The following KLF17 variants were observed in gnomAD, a reference collection of about 807,000 sequenced individuals.
KLF17 encodes the protein Krueppel-like factor 17.
A neutral mutation model predicts 34.2 loss-of-function variants in KLF17; 31 were observed. The observed-to-expected ratio is 0.91, with a 90% CI of 0.68 to 1.22. The LOEUF (loss-of-function observed/expected upper bound fraction) is 1.22. KLF17 is among the 50% of genes most tolerant of loss of function. The pLI is 0.00. For missense variants in KLF17, 478 were observed against 505.2 expected, an observed-to-expected ratio of 0.95 and a Z score of 0.52; for synonymous variants, 179 against 186.7, an observed-to-expected ratio of 0.96 and a Z score of 0.34.
chr1:44,119,148 G>A, intron 1 of KLF17, among the ~76,000 whole-genome samples, 160 bp downstream of exon 1: 1 of 151,626 alleles, frequency 6.6e-6, no homozygotes, highest in African/African-American at 2.4e-5. Context: ...AGATTGGGGA[G>A]GGGTTGCAAA....
At chr1:44,088,412 GC>G in the KLF17 span, 1 of 152,334 alleles carries the variant, frequency 6.6e-6, no homozygotes, top group East Asian at 1.9e-4. Context: ...ACAGCACCCA[GC>G]CTGCTTAGGC....
the KLF17 span, among the ~76,000 whole-genome samples, chr1:44,064,056 C>A: frequency 6.6e-6 from 1 of 152,124 alleles, no homozygotes; most frequent in Non-Finnish European, 1.5e-5. Context: ...ATGGAGAATA[C>A]CTAGCACAAC....
At chr1:44,050,164 T>G in the KLF17 span, among the ~76,000 whole-genome samples, 1 of 152,200 alleles carries the variant, frequency 6.6e-6, no homozygotes, top group African/African-American at 2.4e-5. Flanking sequence ...AATGTGTGAG[T>G]TCAGCAATGA....
chr1:44,112,912 G>A, the KLF17 span, among the ~76,000 whole-genome samples: 2 of 152,194 alleles, frequency 1.3e-5, no homozygotes, highest in Admixed American at 1.3e-4. Flanking sequence ...CACAGTGCTA[G>A]GTACCCAGAG....
intron 1 of KLF17, among the ~76,000 whole-genome samples, chr1:44,125,724 T>C: frequency 6.6e-6 from 1 of 152,208 alleles, no homozygotes; most frequent in Non-Finnish European, 1.5e-5. Flanking sequence ...TGCTTCAGCC[T>C]CCCAAAGTGT....
chr1:44,103,541 A>C, the KLF17 span: 4 of 1,369,882 alleles, frequency 2.9e-6, no homozygotes, highest in Middle Eastern at 4.8e-4. Context: ...TCGTATGGAT[A>C]CTCCTGTTCT....
At chr1:44,119,951 TG>T (rs1430745609) in intron 1 of KLF17, among the ~76,000 whole-genome samples, 3 of 152,226 alleles carry the variant, frequency 2.0e-5, no homozygotes, top group Admixed American at 6.5e-5. Flanking sequence ...AGAATTCAAA[TG>T]GCGGCCTACC....
chr1:44,064,731 C>T, the KLF17 span, among the ~76,000 whole-genome samples: 1 of 152,220 alleles, frequency 6.6e-6, no homozygotes, highest in Non-Finnish European at 1.5e-5. Flanking sequence ...TATAGGTAAC[C>T]ATTCAAGATA....
chr1:44,103,747 G>C, the KLF17 span: 3 of 1,152,860 alleles, frequency 2.6e-6, no homozygotes, highest in South Asian at 1.2e-5. Context: ...TTAACTGCCA[G>C]CTCCTCAGGC....
chr1:44,113,436 C>T, the KLF17 span, among the ~76,000 whole-genome samples: 2 of 152,180 alleles, frequency 1.3e-5, no homozygotes, highest in South Asian at 2.1e-4. Flanking sequence ...ATGTAGTTCT[C>T]TACTAAGTTC....
chr1:44,066,260 G>A, the KLF17 span, among the ~76,000 whole-genome samples: 719 of 151,852 alleles, frequency 4.7e-3, 6 homozygotes, highest in African/African-American at 0.016. Context: ...TCAAGGCTGC[G>A]GTGAGCCATG....
the KLF17 span, among the ~76,000 whole-genome samples, chr1:44,095,276 C>T: frequency 4.9e-5 from 7 of 141,942 alleles, no homozygotes; most frequent in Non-Finnish European, 9.0e-5. Context: ...AGTGCAATGG[C>T]GTGATCTCAG....
upstream of KLF17, chr1:44,117,097 T>TA (rs1452373118): frequency 6.6e-6 from 1 of 152,240 alleles, no homozygotes; most frequent in Non-Finnish European, 1.5e-5. Context: ...TCTTTTTTTT[T>TA]AGAGATGGGA....
At chr1:44,103,857 G>A in the KLF17 span, 3 of 788,292 alleles carry the variant, frequency 3.8e-6, no homozygotes, top group African/African-American at 1.7e-5. Context: ...TATCTCGGAG[G>A]TCTCAGTCTT....
chr1:44,058,704 T>C, the KLF17 span, among the ~76,000 whole-genome samples: 295 of 104,404 alleles, frequency 2.8e-3, 1 homozygote, highest in East Asian at 0.013. Flanking sequence ...TTTTTTTTTT[T>C]CCCGAGACGG....
At chr1:44,091,213 A>G in the KLF17 span, among the ~76,000 whole-genome samples, 1 of 151,198 alleles carries the variant, frequency 6.6e-6, no homozygotes, top group Admixed American at 6.7e-5. Flanking sequence ...ATATTTTCCA[A>G]AACAAAAAAT....
the KLF17 span, among the ~76,000 whole-genome samples, chr1:44,090,912 C>CCACA: frequency 2.7e-5 from 4 of 150,342 alleles, no homozygotes; most frequent in African/African-American, 9.8e-5. Context: ...ACAATTCCCA[C>CCACA]CACACACACA....
chr1:44,096,871 C>T, the KLF17 span, among the ~76,000 whole-genome samples: 3 of 152,016 alleles, frequency 2.0e-5, no homozygotes, highest in Non-Finnish European at 4.4e-5. Context: ...GTTGCCATTG[C>T]TTTTGGTGTT....
chr1:44,045,447 C>A, the KLF17 span, among the ~76,000 whole-genome samples: 1 of 152,210 alleles, frequency 6.6e-6, no homozygotes, highest in African/African-American at 2.4e-5. Context: ...TTGCTGACTT[C>A]TCTTCTGCCA....
Sources: allele counts gnomAD v4.1 joint callset (sites outside exome capture counted in the v4.1 genomes callset), GRCh38; gene constraint gnomAD v4.1.1; transcripts MANE v1.5; gene names NCBI Gene and HGNC (gene_info 2026-07-23, HGNC 2026-07-21).